ITGBL1: variants seen among roughly 807,000 people sequenced by gnomAD.
ITGBL1 encodes integrin subunit beta like 1.
A neutral mutation model predicts 68.5 loss-of-function variants in ITGBL1; 51 were observed. That is an observed-to-expected ratio of 0.74 (90% CI 0.59 to 0.94). The LOEUF (loss-of-function observed/expected upper bound fraction) is 0.94, where lower values mean the gene tolerates loss of function less well. Ranked by LOEUF, ITGBL1 falls within the 40% of genes least tolerant of loss-of-function variation. The pLI, the probability that ITGBL1 is intolerant of heterozygous loss-of-function variation, is 0.00. For missense variants in ITGBL1, 649 were observed against 647.4 expected (o/e 1.00, Z -0.03); for synonymous variants, 209 against 227.3 (o/e 0.92, Z 0.72).
intron 2 of ITGBL1, among the ~76,000 whole-genome samples, chr13:101,552,745 G>C (rs1380060764): frequency 2.0e-5 from 3 of 152,172 alleles, no homozygotes; most frequent in African/African-American, 7.2e-5. Context: ...AACTGAGTGA[G>C]AAGGAAAGAA....
chr13:101,463,771 AC>A (rs147738989), intron 2 of ITGBL1, among the ~76,000 whole-genome samples: 3,576 of 152,242 alleles, frequency 0.023, 132 homozygotes, highest in African/African-American at 0.079. Context: ...CAATAAAAAA[AC>A]AAAATCAAAA....
chr13:101,668,383 A>G (rs1472508388), intron 7 of ITGBL1, among the ~76,000 whole-genome samples: 3 of 151,344 alleles, frequency 2.0e-5, no homozygotes, highest in Admixed American at 6.6e-5. Context: ...GTGAAACTCC[A>G]TCTCAAAAAA....
intron 2 of ITGBL1, among the ~76,000 whole-genome samples, chr13:101,543,167 A>G (rs1048144221): frequency 2.0e-5 from 3 of 152,072 alleles, no homozygotes; most frequent in Non-Finnish European, 2.9e-5. Flanking sequence ...GGTCTTTACA[A>G]TTTGGCATTT....
At chr13:101,618,761 A>C (rs2031468590) in intron 7 of ITGBL1, among the ~76,000 whole-genome samples, 1 of 152,166 alleles carries the variant, frequency 6.6e-6, no homozygotes, top group African/African-American at 2.4e-5. Context: ...TTCTCCATAC[A>C]GGAGGAACAT....
intron 2 of ITGBL1, among the ~76,000 whole-genome samples, chr13:101,530,754 T>A (rs1594869530): frequency 6.6e-6 from 1 of 152,352 alleles, no homozygotes; most frequent in African/African-American, 2.4e-5. Context: ...TTTTATCTAA[T>A]CTAATACACT....
intron 4 of ITGBL1, among the ~76,000 whole-genome samples, chr13:101,578,120 G>C (rs569285486): frequency 6.6e-6 from 1 of 152,076 alleles, no homozygotes; most frequent in Non-Finnish European, 1.5e-5. Flanking sequence ...TCATCTGCTG[G>C]ACATGAATAG....
chr13:101,611,215 A>C (rs904519100), intron 7 of ITGBL1, among the ~76,000 whole-genome samples: 2 of 152,188 alleles, frequency 1.3e-5, no homozygotes, highest in Non-Finnish European at 2.9e-5. Flanking sequence ...TGTTAGTAAA[A>C]TGATGTCATA....
At chr13:101,674,501 ATTTAG>A (rs1209699333) in intron 7 of ITGBL1, among the ~76,000 whole-genome samples, 1 of 152,140 alleles carries the variant, frequency 6.6e-6, no homozygotes, top group African/African-American at 2.4e-5. Flanking sequence ...TTTGATATAA[ATTTAG>A]TTTAGATTAC....
intron 4 of ITGBL1, 33 bp from the exon 5 acceptor site, chr13:101,579,254 T>A (rs368624274): frequency 9.4e-6 from 15 of 1,600,788 alleles, no homozygotes; most frequent in Non-Finnish European, 1.3e-5. Context: ...AGTTGCTTTT[T>A]TCCTCACTGT....
intron 8 of ITGBL1, among the ~76,000 whole-genome samples, chr13:101,704,775 C>G (rs1009278773): frequency 6.6e-6 from 1 of 152,114 alleles, no homozygotes; most frequent in African/African-American, 2.4e-5. Flanking sequence ...CTGGCTGAGC[C>G]AATTATCGGT....
chr13:101,547,474 C>A (rs929665758), intron 2 of ITGBL1, among the ~76,000 whole-genome samples: 2 of 151,524 alleles, frequency 1.3e-5, no homozygotes, highest in African/African-American at 4.8e-5. Flanking sequence ...TTCCTTAACA[C>A]CTCTTTGGAA....
chr13:101,579,473 G>C (rs770746117), intron 5 of ITGBL1, 46 bp downstream of exon 5: 1 of 1,583,382 alleles, frequency 6.3e-7, no homozygotes, highest in African/African-American at 1.3e-5. Flanking sequence ...GGCAAACAAA[G>C]CTTTTAATTG....
At chr13:101,499,693 G>A (rs900418267) in intron 2 of ITGBL1, among the ~76,000 whole-genome samples, 1 of 152,104 alleles carries the variant, frequency 6.6e-6, no homozygotes, top group African/African-American at 2.4e-5. Flanking sequence ...TTTGGCAATT[G>A]ATTTTTCTAT....
intron 2 of ITGBL1, among the ~76,000 whole-genome samples, chr13:101,476,724 T>C (rs1029544216): frequency 6.6e-6 from 1 of 152,036 alleles, no homozygotes; most frequent in Non-Finnish European, 1.5e-5. Context: ...ACAATATAGA[T>C]TTCAAGACAA....
At chr13:101,489,436 C>A (rs1487735878) in intron 2 of ITGBL1, among the ~76,000 whole-genome samples, 1 of 152,068 alleles carries the variant, frequency 6.6e-6, no homozygotes, top group Non-Finnish European at 1.5e-5. Flanking sequence ...CTCAGCACAC[C>A]CATTAAATTT....
intron 6 of ITGBL1, among the ~76,000 whole-genome samples, chr13:101,597,880 C>T (rs1255312522): frequency 2.0e-5 from 3 of 152,030 alleles, no homozygotes; most frequent in African/African-American, 7.2e-5. Context: ...CCCAGCAAAC[C>T]AATACAATCA....
intron 7 of ITGBL1, among the ~76,000 whole-genome samples, chr13:101,608,018 C>T (rs951510623): frequency 4.6e-5 from 7 of 152,042 alleles, no homozygotes; most frequent in African/African-American, 1.4e-4. Context: ...TTGTTCTATG[C>T]GGTATTGCAT....
chr13:101,611,132 T>C (rs1160971462), intron 7 of ITGBL1, among the ~76,000 whole-genome samples: 1 of 152,130 alleles, frequency 6.6e-6, no homozygotes, highest in Non-Finnish European at 1.5e-5. Context: ...TCTTGTGTGA[T>C]TGACAGGTTT....
chr13:101,622,251 T>C (rs1028906938), intron 7 of ITGBL1, among the ~76,000 whole-genome samples: 2 of 152,180 alleles, frequency 1.3e-5, no homozygotes. Context: ...GTTTGACTTA[T>C]GTCATTTAAT....
Sources: allele counts gnomAD v4.1 joint callset (sites outside exome capture counted in the v4.1 genomes callset), GRCh38; gene constraint gnomAD v4.1.1; transcripts MANE v1.5; gene names NCBI Gene and HGNC (gene_info 2026-07-23, HGNC 2026-07-21).